Variants in CPQ observed in about 807,000 individuals in gnomAD.
CPQ encodes carboxypeptidase Q.
Under a neutral mutation model 45.7 loss-of-function variants are expected in CPQ, and 37 were observed. That is an observed-to-expected ratio of 0.81 (90% confidence interval 0.62 to 1.07). The LOEUF (loss-of-function observed/expected upper bound fraction) is 1.07. CPQ is among the 50% of genes least tolerant of loss of function. The probability of loss-of-function intolerance (pLI) is 0.00; values close to 1 mark genes in which losing one functional copy is unlikely to be tolerated. For synonymous variants in CPQ, 186 were observed against 205.8 expected (o/e 0.90, Z 0.82); for missense variants, 537 against 572.9 (o/e 0.94, Z 0.64).
At chr8:96,936,119 TTG>T (rs1307096439) in intron 4 of CPQ, among the ~76,000 whole-genome samples, 1 of 152,116 alleles carries the variant, frequency 6.6e-6, no homozygotes, top group Admixed American at 6.6e-5. Flanking sequence ...AACTCAGGGT[TTG>T]TGTGTTAAGA....
chr8:97,103,164 T>C (rs1013447971), intron 7 of CPQ, among the ~76,000 whole-genome samples: 3 of 152,168 alleles, frequency 2.0e-5, no homozygotes, highest in African/African-American at 7.2e-5. Context: ...AAATCCTTAA[T>C]TTAAGCACAC....
chr8:96,822,491 G>T (rs1382414692), intron 2 of CPQ, among the ~76,000 whole-genome samples: 1 of 151,746 alleles, frequency 6.6e-6, no homozygotes, highest in East Asian at 1.9e-4. Flanking sequence ...ATTTTTTGAG[G>T]AGCCTCTACA....
chr8:97,043,373 T>C (rs1278624520), intron 6 of CPQ, among the ~76,000 whole-genome samples: 3 of 152,072 alleles, frequency 2.0e-5, no homozygotes, highest in African/African-American at 4.8e-5. Flanking sequence ...TTTGAGCCTA[T>C]GTGTGTCTCT....
chr8:97,031,407 C>T lies in CPQ; in HGVS notation c.1053+1913C>T, dbSNP rs565234119. On this transcript the variant is annotated intron_variant, in intron 6 of 7. Transcript: ENST00000220763. ...TTCACCGTGTTAGCCAGGACAGTCT[C>T]GATCTCCTGACCTTGTGATCTGCCC... Among the ~76,000 whole-genome samples, 5 of 152,092 alleles carry T rather than the reference C, an allele frequency of 3.3e-5. No individual in the cohort carries two copies. In the South Asian group the frequency reaches 6.2e-4, roughly 19 times the overall value.
chr8:96,753,430 A>C (rs991395602), intron 1 of CPQ, among the ~76,000 whole-genome samples: 1 of 152,234 alleles, frequency 6.6e-6, no homozygotes, highest in African/African-American at 2.4e-5. Context: ...CAAAAATATA[A>C]ATTAATTTTG....
intron 7 of CPQ, among the ~76,000 whole-genome samples, chr8:97,139,809 G>A (rs1333767795): frequency 6.6e-6 from 1 of 151,868 alleles, no homozygotes; most frequent in East Asian, 1.9e-4. Flanking sequence ...TAAACTGAGT[G>A]TTTAACTCCA....
At chr8:96,974,942 A>G (rs574733253) in intron 5 of CPQ, among the ~76,000 whole-genome samples, 2 of 152,252 alleles carry the variant, frequency 1.3e-5, no homozygotes, top group Admixed American at 6.5e-5. Flanking sequence ...ACCTAAGGTC[A>G]TGCCTCATGG....
intron 1 of CPQ, among the ~76,000 whole-genome samples, chr8:96,699,802 C>T (rs893433744): frequency 6.6e-6 from 1 of 152,072 alleles, no homozygotes; most frequent in Non-Finnish European, 1.5e-5. Context: ...GACACCTCCC[C>T]CAGAGATCAG....
intron 7 of CPQ, among the ~76,000 whole-genome samples, chr8:97,096,336 G>A (rs1811210034): frequency 6.6e-6 from 1 of 152,084 alleles, no homozygotes; most frequent in African/African-American, 2.4e-5. Context: ...TACTTTATGA[G>A]AAAGAGAGCC....
chr8:96,804,231 G>A (rs548023612), intron 2 of CPQ, among the ~76,000 whole-genome samples: 1 of 152,222 alleles, frequency 6.6e-6, no homozygotes, highest in East Asian at 1.9e-4. Context: ...TGCTAGAACT[G>A]GAAACGTATG....
At chr8:96,920,811 A>C (rs956631631) in intron 4 of CPQ, among the ~76,000 whole-genome samples, 2 of 152,174 alleles carry the variant, frequency 1.3e-5, no homozygotes, top group African/African-American at 4.8e-5. Context: ...TCTGCAAGCC[A>C]CAGAAAGAGA....
intron 1 of CPQ, among the ~76,000 whole-genome samples, chr8:96,775,697 G>C (rs1245178355): frequency 1.3e-5 from 2 of 152,202 alleles, no homozygotes; most frequent in African/African-American, 4.8e-5. Context: ...AAGGTAATAG[G>C]TTTTTCACAT....
intron 7 of CPQ, among the ~76,000 whole-genome samples, chr8:97,139,331 C>T (rs1031354800): frequency 3.9e-4 from 59 of 152,154 alleles, no homozygotes; most frequent in Non-Finnish European, 2.4e-4. Context: ...CATTTTCACA[C>T]ATCTCTCTCA....
At chr8:96,705,495 G>A (rs1809520866) in intron 1 of CPQ, among the ~76,000 whole-genome samples, 2 of 152,124 alleles carry the variant, frequency 1.3e-5, no homozygotes, top group Admixed American at 1.3e-4. Context: ...TGGTGATTTA[G>A]GTATCAGGAA....
At chr8:96,879,439 G>A (rs1586435902) in intron 3 of CPQ, among the ~76,000 whole-genome samples, 1 of 152,142 alleles carries the variant, frequency 6.6e-6, no homozygotes. Flanking sequence ...CTTCTGGTCT[G>A]CAGCCTTGAC....
intron 4 of CPQ, among the ~76,000 whole-genome samples, chr8:96,964,146 T>C (rs1302781315): frequency 8.1e-5 from 12 of 148,156 alleles, no homozygotes; most frequent in Admixed American, 2.7e-4. Flanking sequence ...TTATGAACAT[T>C]CCAGTACATC....
rs1809552690 is a variant in CPQ, at chr8:97,014,858, A to C, written c.962-14545A>C. ...TAACATCTTCTCCACCATAATCATA[A>C]AAAGGAGCATGATAACAGAAGTAGC... On this transcript the variant is annotated intron_variant, in intron 5 of 7. Transcript: ENST00000220763. Among the ~76,000 whole-genome samples, 3 of 152,138 alleles carry C rather than the reference A, an allele frequency of 2.0e-5. No individual in the cohort carries two copies. The South Asian group carries it at 6.2e-4, about 32-fold the overall frequency.
intron 3 of CPQ, among the ~76,000 whole-genome samples, chr8:96,876,467 G>A (rs1297228467): frequency 6.6e-6 from 1 of 152,040 alleles, no homozygotes; most frequent in Non-Finnish European, 1.5e-5. Flanking sequence ...CCAGTAAAAT[G>A]TTTAATAGGA....
chr8:96,929,813 T>C (rs1342402167), intron 4 of CPQ, among the ~76,000 whole-genome samples: 2 of 152,166 alleles, frequency 1.3e-5, no homozygotes, highest in African/African-American at 2.4e-5. Flanking sequence ...AAAATATAGA[T>C]AGAGAATTCA....
Sources: allele counts gnomAD v4.1 joint callset (sites outside exome capture counted in the v4.1 genomes callset), GRCh38; gene constraint gnomAD v4.1.1; transcripts MANE v1.5; gene names NCBI Gene and HGNC (gene_info 2026-07-23, HGNC 2026-07-21).